Variants in TDRD6 observed in about 807,000 individuals in gnomAD.
TDRD6 encodes the protein tudor domain containing 6.
A neutral mutation model predicts 157.5 loss-of-function variants in TDRD6; 186 were observed. That is an observed-to-expected ratio of 1.18 (90% confidence interval 1.05 to 1.33). The LOEUF is 1.33. TDRD6 is among the 40% of genes most tolerant of loss of function. The pLI is 0.00. For missense variants in TDRD6, 3,066 were observed against 2,508.0 expected (o/e 1.22, Z -4.75); for synonymous variants, 1,075 against 945.2 (o/e 1.14, Z -2.52).
Position 46,693,612 on chromosome 6 carries a change from G to T in TDRD6, c.5484G>T (p.Glu1828Asp). 1 of 1,614,172 alleles carries T rather than the reference G, an allele frequency of 6.2e-7. No homozygotes were observed. Among genetic ancestry groups the T allele is most frequent in the Non-Finnish European group, 8.5e-7 (1 of 1,180,032 alleles). ...TLLPHANETK[E>D]ILELNSLEVP... ...TACCACATGCTAATGAAACAAAGGA[G>T]ATACTAGAACTGAATTCACTTGAGG... Residue 1828 changes from glutamate (E) to aspartate (D), a missense_variant, in exon 1 of 4, where the codon GAG (glutamate) becomes GAT (aspartate). Glu to Asp is a conservative substitution (Grantham distance 45). Transcript: ENST00000316081.
At chr6:46,697,466 T>C (rs1256786559) in intron 2 of TDRD6, among the ~76,000 whole-genome samples, 1 of 152,236 alleles carries the variant, frequency 6.6e-6, no homozygotes, top group Admixed American at 6.5e-5. Flanking sequence ...CTATTTGATG[T>C]TGAAATTTTA....
rs768262469 is a variant in TDRD6 at position 46,689,954 on chromosome 6, G to A, written c.1826G>A (p.Gly609Glu). ...ACCCTGGCTGATATTTGGCCTTTGG[G>A]AAAAACTTGGAGCCAGGAGGCAGTT... is the stretch of plus-strand genomic sequence containing the variant. The part of the protein sequence containing the change: ...KCTLADIWPL[G>E]KTWSQEAVSF... The change falls in exon 1 of 4, where the codon GGA becomes GAA. Residue 609 changes from glycine to glutamate, a missense_variant. Coordinates refer to ENST00000316081, the MANE Select transcript of TDRD6 (RefSeq NM_001010870.3). 5 of 1,613,958 alleles carry A rather than the reference G, an allele frequency of 3.1e-6. No individual in the cohort carries two copies. Among genetic ancestry groups the A allele is most frequent in the Non-Finnish European group, 4.2e-6 (5 of 1,179,978 alleles).
Position 46,690,592 on chromosome 6 carries a change from G to C in TDRD6, c.2464G>C (p.Ala822Pro), listed in dbSNP as rs752464776. The change falls in exon 1 of 4, where the codon GCT becomes CCT. Residue 822 changes from alanine (A) to proline (P), a missense_variant. Transcript: ENST00000316081. ...TAAPHQRNTL[A>P]CLAKRTVNRQ... Reference sequence around the variant, plus strand: ...TGCTCCTCACCAGAGAAACACCCTTGCTTGTTTGGCTAAGCGAACAGTAAA... The same window carrying C: ...TGCTCCTCACCAGAGAAACACCCTTCCTTGTTTGGCTAAGCGAACAGTAAA... The C allele has an allele frequency of 5.0e-6, 8 of 1,614,160 alleles. No individual in the cohort carries two copies. The highest frequency in any genetic ancestry group is 6.8e-6 in the Non-Finnish European group (8 of 1,180,030).
In TDRD6 at chr6:46,688,143, C is replaced by CG. The variant is rs1562051095; in HGVS notation, c.17dup (p.Met7AsnfsTer153). ...GCGCCGTCAAGATGTGCTCGACGCC[C>CG]GGAATGCCGGCGCCGGGGGCCTCGC... On this transcript the variant is annotated frameshift_variant, in exon 1 of 4. Transcript: ENST00000316081. LOFTEE classifies it high-confidence loss of function. 6.5e-7 allele frequency: 1 copy of CG among 1,540,044 alleles called. No individual in the cohort carries two copies. Among genetic ancestry groups the CG allele is most frequent in the Non-Finnish European group, 8.7e-7 (1 of 1,150,016 alleles).
the TDRD6 span, among the ~76,000 whole-genome samples, chr6:46,681,939 GT>G: frequency 2.0e-5 from 3 of 151,936 alleles, no homozygotes; most frequent in Non-Finnish European, 2.9e-5. Flanking sequence ...TACAGTTTCA[GT>G]TTGGGATGAT....
rs1262684152 is a variant in TDRD6 at position 46,688,348 on chromosome 6, CT to C, written c.221del (p.Leu74ArgfsTer58). The C allele has an allele frequency of 3.9e-5, 60 of 1,531,636 alleles. No individual in the cohort carries two copies. Among genetic ancestry groups the C allele is most frequent in the Non-Finnish European group, 5.2e-5 (59 of 1,143,726 alleles). The allele number at this position is 1,531,636 out of a possible 1,614,324, so 94.9% of individuals were successfully genotyped here. On this transcript the variant is annotated frameshift_variant, in exon 1 of 4. Transcript: ENST00000316081. LOFTEE classifies it high-confidence loss of function. ...CTCGGCCTCGCCCGGCGAGCTGTGC[CT>C]GGTGCAGGTCGGGCTTTTGTGGCAC... ...SASASPGELC[L>X]VQVGLLWHRC...
Position 46,690,029 on chromosome 6 carries a change from T to G in TDRD6, c.1901T>G (p.Leu634Arg). 1 of 1,613,990 alleles carries G rather than the reference T, an allele frequency of 6.2e-7. No individual in the cohort carries two copies. The highest frequency in any genetic ancestry group is 8.5e-7 in the Non-Finnish European group (1 of 1,179,948). The change falls in exon 1 of 4, where the codon CTT becomes CGT. Residue 634 changes from leucine to arginine, a missense_variant. Physicochemically the swap from Leu to Arg is moderately radical, Grantham distance 102. Transcript: ENST00000316081. ...CACAAAGAATTAGTCATCCATATTC[T>G]TGATAAACAGGATCATCAATATGTT... ...VLHKELVIHI[L>R]DKQDHQYVIE...
rs1445405034 is a variant in TDRD6 at position 46,690,620 on chromosome 6, G to T, written c.2492G>T (p.Arg831Ile). Reference sequence around the variant, plus strand: ...TGTTTGGCTAAGCGAACAGTAAACAGACAGTGGTCCAGAGCACTTATTAGT... The same window carrying T: ...TGTTTGGCTAAGCGAACAGTAAACATACAGTGGTCCAGAGCACTTATTAGT... ...LACLAKRTVN[R>I]QWSRALISGI... The change falls in exon 1 of 4, where the codon AGA (arginine) becomes ATA (isoleucine). Residue 831 changes from arginine to isoleucine, a missense_variant. Physicochemically the swap from Arg to Ile is moderately conservative, Grantham distance 97. Transcript: ENST00000316081. 6.2e-7 allele frequency: 1 copy of T among 1,614,212 alleles called. No homozygotes were observed. Among genetic ancestry groups the T allele is most frequent in the East Asian group, 2.2e-5 (1 of 44,884 alleles).
At position 46,698,083 on chromosome 6, in the gene TDRD6, C is replaced by G. The variant is rs1227640357; in HGVS notation, c.6257C>G (p.Pro2086Arg). 2 of 1,595,744 alleles carry G rather than the reference C, an allele frequency of 1.3e-6. No individual in the cohort carries two copies. Among genetic ancestry groups the G allele is most frequent in the Admixed American group, 3.3e-5 (2 of 59,750 alleles). Residue 2086 changes from proline (P) to arginine (R), a missense_variant, in exon 3 of 4, where the codon CCT (proline) becomes CGT (arginine). Physicochemically the swap from Pro to Arg is moderately radical, Grantham distance 103 (BLOSUM62 -2). Coordinates refer to ENST00000316081, the MANE Select transcript of TDRD6 (RefSeq NM_001010870.3). ...ATACCCAAATTGGATAAGAGTCCAC[C>G]TGAGGTATGGAATTCTATAAATAGT... ...NGIPKLDKSP[P>R]EKRGLEVMEI
Position 46,693,483 on chromosome 6 carries a change from A to T in TDRD6, c.5355A>T (p.Lys1785Asn), listed in dbSNP as rs747714692. The change falls in exon 1 of 4, where the codon AAA (lysine) becomes AAT (asparagine). Residue 1785 changes from lysine to asparagine, a missense_variant. Transcript: ENST00000316081. ...GTGAAGGGTTTGAAAACCCCTGCAAAGATAAAATTGATACTGAGGAACTGG... is the reference window on the plus strand; with the variant it reads ...GTGAAGGGTTTGAAAACCCCTGCAATGATAAAATTGATACTGAGGAACTGG... Reference protein sequence around the residue: ...NICEGFENPCKDKIDTEELEG... With the variant: ...NICEGFENPCNDKIDTEELEG... 8 of 1,613,804 alleles carry T rather than the reference A, an allele frequency of 5.0e-6. No individual in the cohort carries two copies. In the Admixed American group the frequency reaches 1.3e-4, roughly 27 times the overall value.
chr6:46,702,238 G>A lies in TDRD6; in HGVS notation c.*351G>A, dbSNP rs770641190. On this transcript the variant is annotated 3_prime_UTR_variant, in exon 4 of 4. Coordinates refer to ENST00000316081, the MANE Select transcript of TDRD6 (RefSeq NM_001010870.3). ...GTTTAAATTAAAATAGAAAAATAAGGGCTCATGACAAGTACATTATTTGAT... is the reference window on the plus strand; with the variant it reads ...GTTTAAATTAAAATAGAAAAATAAGAGCTCATGACAAGTACATTATTTGAT... 3.1e-4 allele frequency: 53 copies of A among 168,876 alleles called. No homozygotes were observed. Among genetic ancestry groups the A allele is most frequent in the Admixed American group, 1.6e-3 (25 of 15,790 alleles). The allele number at this position is 168,876 out of a possible 1,614,324, so 10.5% of individuals were successfully genotyped here. A position where few individuals can be genotyped will look rare whatever the true frequency, so the allele number is the denominator to read the frequency against.
chr6:46,692,188 CA>C lies in TDRD6; in HGVS notation c.4063del (p.Arg1355GlufsTer4). 6.2e-7 allele frequency: 1 copy of C among 1,614,110 alleles called. No homozygotes were observed. Among genetic ancestry groups the C allele is most frequent in the Non-Finnish European group, 8.5e-7 (1 of 1,179,984 alleles). On this transcript the variant is annotated frameshift_variant, in exon 1 of 4. Coordinates refer to ENST00000316081, the MANE Select transcript of TDRD6 (RefSeq NM_001010870.3). LOFTEE classifies it high-confidence loss of function. ...RPEYYVGPPL[Q>X]RGDMICAVFP... ...CGAATATTATGTAGGTCCACCTTTG[CA>C]AAGAGGAGATATGATATGTGCTGTT...
At chr6:46,697,118 T>C (rs887118755) in intron 2 of TDRD6, among the ~76,000 whole-genome samples, 1 of 152,178 alleles carries the variant, frequency 6.6e-6, no homozygotes, top group African/African-American at 2.4e-5. Flanking sequence ...TAATTCTTTA[T>C]ATTTTGTACT....
Position 46,690,394 on chromosome 6 carries a change from T to A in TDRD6, c.2266T>A (p.Leu756Met). ...TTATTTTCCTCTTATGCAGAATTGC[T>A]TGGAAATTAAGCCAGGCTCCTCTAG... The part of the protein sequence containing the change: ...SVYFPLMQNC[L>M]EIKPGSSSKG... Residue 756 changes from leucine to methionine, a missense_variant, in exon 1 of 4, where the codon TTG becomes ATG. Leu to Met is a conservative substitution (Grantham distance 15). Coordinates refer to ENST00000316081, the MANE Select transcript of TDRD6 (RefSeq NM_001010870.3). 6.2e-7 allele frequency: 1 copy of A among 1,613,940 alleles called. No homozygotes were observed. The highest frequency in any genetic ancestry group is 8.5e-7 in the Non-Finnish European group (1 of 1,180,032).
In TDRD6 at chr6:46,688,452, A is replaced by G; in HGVS notation, c.324A>G (p.Gly108=). The G allele has an allele frequency of 6.5e-7, 1 of 1,543,172 alleles. No homozygotes were observed. ...LLDEGRTITA[G]AGSLAPGRRE... is the part of the protein sequence containing the mutation. ...ACGAGGGCCGCACCATCACGGCCGG[A>G]GCAGGCTCGCTGGCGCCTGGGCGCA... The change falls in exon 1 of 4, where the codon GGA becomes GGG. Residue 108 remains glycine, a synonymous_variant. Coordinates refer to ENST00000316081, the MANE Select transcript of TDRD6 (RefSeq NM_001010870.3).
At position 46,690,413 on chromosome 6, in the gene TDRD6, C is replaced by T. The variant is rs138112065; in HGVS notation, c.2285C>T (p.Ser762Phe). 142 of 1,613,968 alleles carry T rather than the reference C, an allele frequency of 8.8e-5. No homozygotes were observed. In the African/African-American group the frequency reaches 1.6e-3, roughly 18 times the overall value. ...AATTGCTTGGAAATTAAGCCAGGCT[C>T]CTCTAGTAAAGGAGAGCTGGAAGTT... ...MQNCLEIKPG[S>F]SSKGELEVGS... The change falls in exon 1 of 4, where the codon TCC becomes TTC. Residue 762 changes from serine to phenylalanine, a missense_variant. Ser to Phe is a radical substitution (Grantham distance 155). Coordinates refer to ENST00000316081, the MANE Select transcript of TDRD6 (RefSeq NM_001010870.3).
chr6:46,697,623 A>G (rs1209270113), intron 2 of TDRD6, among the ~76,000 whole-genome samples: 1 of 151,936 alleles, frequency 6.6e-6, no homozygotes, highest in Non-Finnish European at 1.5e-5. Flanking sequence ...GCAGTGGCTT[A>G]TGCCTGTAAT....
rs1764384340 is a variant in TDRD6 at position 46,692,993 on chromosome 6, C to G, written c.4865C>G (p.Ser1622Cys). 6.2e-7 allele frequency: 1 copy of G among 1,612,542 alleles called. No homozygotes were observed. The highest frequency in any genetic ancestry group is 8.5e-7 in the Non-Finnish European group (1 of 1,179,142). ...VDPKALWAIP[S>C]ELLSVPMQAF... Reference sequence around the variant, plus strand: ...CCAAAAGCACTCTGGGCCATTCCTTCTGAACTTCTGTCGGTTCCCATGCAA... The same window carrying G: ...CCAAAAGCACTCTGGGCCATTCCTTGTGAACTTCTGTCGGTTCCCATGCAA... The change falls in exon 1 of 4, where the codon TCT becomes TGT. Residue 1622 changes from serine to cysteine, a missense_variant. By Grantham distance (112) the Ser-to-Cys change is moderately radical (BLOSUM62 -1). Transcript: ENST00000316081.
Position 46,698,007 on chromosome 6 carries a change from C to T in TDRD6, c.6181C>T (p.Leu2061Phe), listed in dbSNP as rs1309422667. ...TAEEGTRVLN[L>F]SNGMEEIVNP... ...TTGTTTTCTCCTGTAGGTTTTGAACCTTTCAAATGGTATGGAGGAGATAGT... is the reference window on the plus strand; with the variant it reads ...TTGTTTTCTCCTGTAGGTTTTGAACTTTTCAAATGGTATGGAGGAGATAGT... The change falls in exon 3 of 4, where the codon CTT (leucine) becomes TTT (phenylalanine). Residue 2061 changes from leucine (L) to phenylalanine (F), a missense_variant. Transcript: ENST00000316081. 1 of 1,590,806 alleles carries T rather than the reference C, an allele frequency of 6.3e-7. No homozygotes were observed. Among genetic ancestry groups the T allele is most frequent in the Non-Finnish European group, 8.6e-7 (1 of 1,166,744 alleles).
Sources: gnomAD v4.1 joint callset for allele counts (sites outside exome capture counted in the v4.1 genomes callset) on GRCh38, gnomAD v4.1.1 for gene constraint, MANE v1.5 for transcripts, NCBI Gene and HGNC (gene_info 2026-07-23, HGNC 2026-07-21) for gene names.